ADAM12: variants seen among roughly 807,000 people sequenced by gnomAD.
ADAM12 encodes the protein ADAM metallopeptidase domain 12, also known as disintegrin and metalloproteinase domain-containing protein 12.
ADAM12 carries 70 observed loss-of-function variants against 106.4 expected under a neutral mutation model. The observed-to-expected ratio is 0.66, with a 90% CI of 0.54 to 0.80. ADAM12 has a LOEUF of 0.80. Among genes scored for constraint, ADAM12 ranks in the 30% least tolerant of loss-of-function variants. The probability of loss-of-function intolerance (pLI) is 0.00; values close to 1 mark genes in which losing one functional copy is unlikely to be tolerated. For missense variants in ADAM12, 1,010 were observed against 1,171.9 expected, an observed-to-expected ratio of 0.86 and a Z score of 2.02; for synonymous variants, 420 against 433.5, an observed-to-expected ratio of 0.97 and a Z score of 0.39.
At chr10:126,235,400 C>T (rs530627335) in intron 3 of ADAM12, among the ~76,000 whole-genome samples, 112 of 152,316 alleles carry the variant, frequency 7.4e-4, no homozygotes, top group Admixed American at 2.6e-3. Flanking sequence ...ATCTGGAGGA[C>T]GACAGGAAGA....
intron 8 of ADAM12, among the ~76,000 whole-genome samples, chr10:126,104,462 A>G (rs572514929): frequency 1.2e-4 from 18 of 151,316 alleles, no homozygotes; most frequent in Middle Eastern, 3.4e-3. Context: ...AAAAAAAAAA[A>G]AAAGAAAGAA....
At chr10:126,312,210 T>C (rs1961138981) in intron 2 of ADAM12, among the ~76,000 whole-genome samples, 1 of 151,458 alleles carries the variant, frequency 6.6e-6, no homozygotes. Context: ...TTGCATTTTC[T>C]GTACAGCTGC....
chr10:126,082,172 C>T (rs1387015391), intron 11 of ADAM12, among the ~76,000 whole-genome samples: 1 of 152,148 alleles, frequency 6.6e-6, no homozygotes, highest in Non-Finnish European at 1.5e-5. Context: ...CTGTTACCTG[C>T]TACGCAGCTG....
intron 20 of ADAM12, among the ~76,000 whole-genome samples, chr10:126,037,340 T>C (rs1352583888): frequency 2.6e-5 from 4 of 151,436 alleles, no homozygotes; most frequent in African/African-American, 7.3e-5. Context: ...AATGAAGATG[T>C]GCTTTTGGCT....
At chr10:126,175,318 C>T (rs1459900364) in intron 3 of ADAM12, among the ~76,000 whole-genome samples, 5 of 152,224 alleles carry the variant, frequency 3.3e-5, no homozygotes, top group Admixed American at 3.3e-4. Context: ...AACTCACCTC[C>T]ACAATGGCCT....
At chr10:126,280,199 A>G (rs1959500589) in intron 2 of ADAM12, among the ~76,000 whole-genome samples, 1 of 152,158 alleles carries the variant, frequency 6.6e-6, no homozygotes, top group Admixed American at 6.5e-5. Flanking sequence ...GAAAACCCAT[A>G]ACAACTGAAG....
chr10:126,217,851 T>C (rs1958015972), intron 3 of ADAM12, among the ~76,000 whole-genome samples: 1 of 151,650 alleles, frequency 6.6e-6, no homozygotes, highest in South Asian at 2.1e-4. Flanking sequence ...GGCACAGGCC[T>C]GTAGTCCCAG....
At chr10:126,127,817 A>G (rs1480591156) in intron 5 of ADAM12, among the ~76,000 whole-genome samples, 3 of 152,224 alleles carry the variant, frequency 2.0e-5, no homozygotes, top group African/African-American at 7.2e-5. Flanking sequence ...AGGAGGAAGC[A>G]GTGTTTGACT....
chr10:126,244,583 G>C (rs1221760713), intron 3 of ADAM12, among the ~76,000 whole-genome samples: 1 of 152,232 alleles, frequency 6.6e-6, no homozygotes. Flanking sequence ...CAGCAGGAAA[G>C]TGTCACTTAA....
Position 126,278,959 on chromosome 10 carries a change from T to C in ADAM12, c.216A>G (p.Leu72=). ...KNHPEVLNIR[L]QRESKELIIN... ...TGATCAGTTCTTTGCTTTCCCGTTG[T>C]AGTCGAATATTCAGCACTTCTGGAT... Residue 72 remains leucine, a synonymous_variant, in exon 3 of 23, where the codon CTA becomes CTG. Transcript: ENST00000448723. The C allele has an allele frequency of 6.2e-7, 1 of 1,613,436 alleles. No homozygotes were observed. Among genetic ancestry groups the C allele is most frequent in the Non-Finnish European group, 8.5e-7 (1 of 1,179,486 alleles).
At chr10:126,267,921 A>G (rs113420286) in intron 3 of ADAM12, among the ~76,000 whole-genome samples, 20 of 152,328 alleles carry the variant, frequency 1.3e-4, no homozygotes, top group African/African-American at 4.8e-4. Flanking sequence ...TTAGATAATA[A>G]AAACAAACCA....
intron 3 of ADAM12, among the ~76,000 whole-genome samples, chr10:126,198,637 C>G (rs1290635898): frequency 6.6e-6 from 1 of 152,234 alleles, no homozygotes; most frequent in African/African-American, 2.4e-5. Flanking sequence ...CCGGGGATCT[C>G]TGCCTGCACC....
Position 126,388,005 on chromosome 10 carries a change from G to T in ADAM12, c.88+53C>A. On this transcript the variant is annotated intron_variant, in intron 1 of 22. Coordinates refer to ENST00000448723, the MANE Select transcript of ADAM12 (RefSeq NM_001288973.2). The surrounding 1 kb of genome is among the most constrained non-coding windows in gnomAD (Gnocchi z 4.4). The stretch of plus-strand genomic sequence containing the variant: ...GGACCTCGGCGCGCCCAGGCGCAGC[G>T]TGCGGTGCCCTCGGCGGGGCGGGCA... The T allele has an allele frequency of 8.4e-7, 1 of 1,192,566 alleles. No homozygotes were observed. The highest frequency in any genetic ancestry group is 1.0e-6 in the Non-Finnish European group (1 of 962,564). 73.9% of individuals were successfully genotyped at this position (1,192,566 alleles called of 1,614,324 possible).
At chr10:126,180,877 A>C (rs189336652) in intron 3 of ADAM12, among the ~76,000 whole-genome samples, 41 of 152,328 alleles carry the variant, frequency 2.7e-4, no homozygotes, top group Admixed American at 2.0e-3. Flanking sequence ...ATACACTTTC[A>C]TTATTTAACA....
At chr10:126,266,383 G>A (rs1959097636) in intron 3 of ADAM12, among the ~76,000 whole-genome samples, 1 of 152,196 alleles carries the variant, frequency 6.6e-6, no homozygotes, top group South Asian at 2.1e-4. Flanking sequence ...AGAAAGATGG[G>A]TGAGGAAAGC....
chr10:126,269,061 G>A (rs1959156669), intron 3 of ADAM12, among the ~76,000 whole-genome samples: 1 of 152,042 alleles, frequency 6.6e-6, no homozygotes, highest in African/African-American at 2.4e-5. Context: ...AACAAGGGGT[G>A]GATTATTCAT....
chr10:126,092,382 T>G (rs970233086), intron 11 of ADAM12, among the ~76,000 whole-genome samples: 2 of 152,186 alleles, frequency 1.3e-5, no homozygotes, highest in African/African-American at 4.8e-5. Flanking sequence ...CGATCAGGGC[T>G]TGTGAAATGT....
intron 3 of ADAM12, among the ~76,000 whole-genome samples, chr10:126,248,267 T>C (rs960421060): frequency 1.3e-5 from 2 of 152,180 alleles, no homozygotes; most frequent in South Asian, 2.1e-4. Context: ...GTACTCGGAA[T>C]GAACAAATGA....
intron 1 of ADAM12, among the ~76,000 whole-genome samples, chr10:126,345,143 T>C (rs1250297393): frequency 6.6e-6 from 1 of 152,232 alleles, no homozygotes; most frequent in Non-Finnish European, 1.5e-5. Flanking sequence ...CCATTCAGTA[T>C]GATATTGGCT....
Sources: gnomAD v4.1 joint callset for allele counts (sites outside exome capture counted in the v4.1 genomes callset) on GRCh38, gnomAD v4.1.1 for gene constraint, Gnocchi (gnomAD v3.1) non-coding constraint, MANE v1.5 for transcripts, NCBI Gene and HGNC (gene_info 2026-07-23, HGNC 2026-07-21) for gene names.